Variants in KIF15 observed in about 807,000 individuals in gnomAD.
KIF15 encodes kinesin-like protein KIF15.
Under a neutral mutation model 190.6 loss-of-function variants are expected in KIF15, and 140 were observed. The ratio of observed to expected loss-of-function variants is 0.73; its 90% CI spans 0.64 to 0.84. The LOEUF is 0.84. Among genes scored for constraint, KIF15 ranks in the 40% least tolerant of loss-of-function variants. KIF15 has a pLI of 0.00. For synonymous variants in KIF15, 528 were observed against 551.3 expected (o/e 0.96, Z 0.59); for missense variants, 1,372 against 1,584.4 (o/e 0.87, Z 2.28).
chr3:44,835,477 A>G (rs1698265944), intron 26 of KIF15, among the ~76,000 whole-genome samples: 1 of 151,970 alleles, frequency 6.6e-6, no homozygotes, highest in African/African-American at 2.4e-5. Flanking sequence ...CCTAAACCCA[A>G]GTGATCCTCC....
downstream of KIF15, among the ~76,000 whole-genome samples, chr3:44,853,791 AC>A (rs1360861858): frequency 2.6e-5 from 4 of 152,238 alleles, no homozygotes; most frequent in African/African-American, 9.7e-5. Flanking sequence ...ATGCTATTGA[AC>A]ATTTTTCCAT....
chr3:44,850,266 A>G (rs1349322809), intron 32 of KIF15, among the ~76,000 whole-genome samples: 1 of 152,202 alleles, frequency 6.6e-6, no homozygotes, highest in Non-Finnish European at 1.5e-5. Flanking sequence ...TACATAGGAA[A>G]ACAGCCTTTT....
In KIF15 at chr3:44,828,307, A is replaced by G; in HGVS notation, c.2943+7A>G. ...GTCTAGAGATTCTGATAAGGTTGGT[A>G]GAGTTTGAAGCTACATCTCTCTGTG... On this transcript the variant is annotated splice_region_variant and intron_variant, in intron 24 of 34. Transcript: ENST00000326047. 1 of 1,586,036 alleles carries G rather than the reference A, an allele frequency of 6.3e-7. No individual in the cohort carries two copies. Among genetic ancestry groups the G allele is most frequent in the Non-Finnish European group, 8.7e-7 (1 of 1,154,854 alleles).
In KIF15 at chr3:44,797,907, C is replaced by T. The variant is rs1707070194; in HGVS notation, c.1049C>T (p.Thr350Ile). The stretch of plus-strand genomic sequence containing the variant: ...CCTGGATCCAGGTGTTTTGGGGAAA[C>T]CCTATCAACACTTAACTTTGCTCAA... Reference protein sequence around the residue: ...VHPGSRCFGETLSTLNFAQRA... With the variant: ...VHPGSRCFGEILSTLNFAQRA... The change falls in exon 10 of 35, where the codon ACC becomes ATC. Residue 350 changes from threonine (T) to isoleucine (I), a missense_variant. Thr to Ile is a moderately conservative substitution (Grantham distance 89). Coordinates refer to ENST00000326047, the MANE Select transcript of KIF15 (RefSeq NM_020242.3). 5 of 1,613,778 alleles carry T rather than the reference C, an allele frequency of 3.1e-6. No individual in the cohort carries two copies. The highest frequency in any genetic ancestry group is 4.2e-6 in the Non-Finnish European group (5 of 1,179,928).
intron 20 of KIF15, among the ~76,000 whole-genome samples, chr3:44,819,694 T>C (rs1325153143): frequency 6.6e-6 from 1 of 152,206 alleles, no homozygotes; most frequent in African/African-American, 2.4e-5. Context: ...ATAAGTGCGA[T>C]GTGGTGCTGA....
intron 20 of KIF15, among the ~76,000 whole-genome samples, chr3:44,817,084 G>T (rs1708064035): frequency 6.6e-6 from 1 of 151,940 alleles, no homozygotes; most frequent in African/African-American, 2.4e-5. Flanking sequence ...TTTTGATGAG[G>T]TTGTTTGTTT....
At chr3:44,840,125 C>CTAA (rs574588266) in intron 27 of KIF15, among the ~76,000 whole-genome samples, 198 of 152,326 alleles carry the variant, frequency 1.3e-3, no homozygotes, top group Non-Finnish European at 2.3e-3. Context: ...AATGGCTGTG[C>CTAA]TAATTTACAT....
chr3:44,782,430 TAAC>T (rs751837004), intron 5 of KIF15, among the ~76,000 whole-genome samples: 18 of 152,256 alleles, frequency 1.2e-4, no homozygotes, highest in South Asian at 4.1e-4. Flanking sequence ...TCTGAGGTTA[TAAC>T]AACAACAACA....
chr3:44,828,468 GT>G (rs1203529705), intron 24 of KIF15, among the ~76,000 whole-genome samples, 168 bp downstream of exon 24: 2 of 152,116 alleles, frequency 1.3e-5, no homozygotes, highest in Admixed American at 6.5e-5. Context: ...AGAGAATGAG[GT>G]CTTCCACTTA....
rs776413056 is a variant in KIF15 at position 44,806,002 on chromosome 3, A to G, written c.1971+16A>G. On this transcript the variant is annotated intron_variant, in intron 16 of 34. Coordinates refer to ENST00000326047, the MANE Select transcript of KIF15 (RefSeq NM_020242.3). ...AACACTTAAGGTAGGTCATCTGAAC[A>G]ATACCTCCACCTTAAATCAGTGCAA... is the stretch of plus-strand genomic sequence containing the variant. 2.5e-6 allele frequency: 4 copies of G among 1,611,540 alleles called. No individual in the cohort carries two copies. In the South Asian group the frequency reaches 3.3e-5, roughly 13 times the overall value.
At chr3:44,829,816 T>TTA (rs927271011) in intron 24 of KIF15, among the ~76,000 whole-genome samples, 155 bp from the exon 25 acceptor site, 1 of 144,996 alleles carries the variant, frequency 6.9e-6, no homozygotes, top group Non-Finnish European at 1.5e-5. Flanking sequence ...TGTATATATA[T>TTA]TATATATATA....
rs1484232831 is a variant in KIF15, at chr3:44,841,115, A to G, written c.3462A>G (p.Lys1154=). The G allele has an allele frequency of 6.2e-7, 1 of 1,613,754 alleles. No individual in the cohort carries two copies. The highest frequency in any genetic ancestry group is 1.3e-5 in the African/African-American group (1 of 74,988). ...TPPHFQTHLA[K]LLETQEQEIE... is the part of the protein sequence containing the mutation. Reference sequence around the variant, plus strand: ...CTCACTTTCAAACACATTTGGCAAAACTCCTGGAAACACAAGAACAAGAGA... The same window carrying G: ...CTCACTTTCAAACACATTTGGCAAAGCTCCTGGAAACACAAGAACAAGAGA... The change falls in exon 29 of 35, where the codon AAA becomes AAG. Residue 1154 remains lysine, a synonymous_variant. Coordinates refer to ENST00000326047, the MANE Select transcript of KIF15 (RefSeq NM_020242.3).
chr3:44,840,260 C>T, intron 27 of KIF15, 95 bp from the exon 28 acceptor site: 1 of 676,776 alleles, frequency 1.5e-6, no homozygotes, highest in Non-Finnish European at 2.5e-6. Flanking sequence ...ATTTGCATTT[C>T]CCTGATGATT....
At chr3:44,825,973 AT>A in intron 20 of KIF15, 65 bp from the exon 21 acceptor site, 1 of 1,390,758 alleles carries the variant, frequency 7.2e-7, no homozygotes, top group Non-Finnish European at 9.8e-7. Context: ...TGAACTGCAG[AT>A]GATCTGATTA....
intron 30 of KIF15, among the ~76,000 whole-genome samples, chr3:44,846,785 A>G (rs1698868483): frequency 6.6e-6 from 1 of 151,986 alleles, no homozygotes; most frequent in Admixed American, 6.6e-5. Flanking sequence ...AAAAAAAAAA[A>G]AAAAAAAGTT....
intron 20 of KIF15, among the ~76,000 whole-genome samples, chr3:44,817,293 T>A (rs1458605341): frequency 6.6e-6 from 1 of 152,216 alleles, no homozygotes; most frequent in Non-Finnish European, 1.5e-5. Flanking sequence ...GCTTTTGGTG[T>A]TTTACTCATG....
intron 6 of KIF15, among the ~76,000 whole-genome samples, chr3:44,786,183 T>A (rs1377786902): frequency 6.6e-6 from 1 of 152,170 alleles, no homozygotes; most frequent in Non-Finnish European, 1.5e-5. Context: ...GCCACTGCAC[T>A]GCAGCCTGGA....
chr3:44,843,353 G>GGA, intron 30 of KIF15, 119 bp downstream of exon 30: 1 of 639,366 alleles, frequency 1.6e-6, no homozygotes, highest in Non-Finnish European at 2.7e-6. Context: ...CACTAATCCA[G>GGA]GAGATGGTCT....
intron 27 of KIF15, 52 bp from the exon 28 acceptor site, chr3:44,840,303 C>A (rs1331227113): frequency 9.7e-7 from 1 of 1,036,146 alleles, no homozygotes; most frequent in South Asian, 1.4e-5. Context: ...CTATTTGGAC[C>A]ATGTACCCCA....
Sources: allele counts gnomAD v4.1 joint callset (sites outside exome capture counted in the v4.1 genomes callset), GRCh38; gene constraint gnomAD v4.1.1; transcripts MANE v1.5; gene names NCBI Gene and HGNC (gene_info 2026-07-23, HGNC 2026-07-21).